The following PYY variants were observed in gnomAD, a reference collection of about 807,000 sequenced individuals.
The protein encoded by PYY is peptide YY, also known as peptide tyrosine tyrosine.
A neutral mutation model predicts 10.3 loss-of-function variants in PYY; 12 were observed. The ratio of observed to expected loss-of-function variants is 1.17; its 90% confidence interval spans 0.75 to 1.89. The LOEUF (loss-of-function observed/expected upper bound fraction) is 1.89. Among genes scored for constraint, PYY ranks in the 40% most tolerant of loss-of-function variants. PYY has a pLI of 0.00. For synonymous variants in PYY, 66 were observed against 62.0 expected (o/e 1.06, Z -0.30); for missense variants, 141 against 134.0 (o/e 1.05, Z -0.26).
chr17:43,976,202 TAC>T (rs1192158420), intron 1 of PYY, among the ~76,000 whole-genome samples: 1 of 142,742 alleles, frequency 7.0e-6, no homozygotes, highest in Non-Finnish European at 1.5e-5. Context: ...TATACATATA[TAC>T]ATATACGTAT....
chr17:43,953,654 T>C (rs563268061), intron 1 of PYY, among the ~76,000 whole-genome samples, 171 bp from the exon 2 acceptor site: 2 of 152,164 alleles, frequency 1.3e-5, no homozygotes, highest in African/African-American at 4.8e-5. Flanking sequence ...GTCTCCTGAC[T>C]CAGTTTCCTC....
chr17:43,965,071 A>T (rs551741172), intron 2 of PYY, among the ~76,000 whole-genome samples: 2 of 152,360 alleles, frequency 1.3e-5, no homozygotes, highest in East Asian at 3.9e-4. Flanking sequence ...GCTAGAAACA[A>T]TGTTGAAACC....
chr17:43,981,939 C>A (rs1033796815), intron 1 of PYY, among the ~76,000 whole-genome samples: 7 of 152,168 alleles, frequency 4.6e-5, no homozygotes, highest in Non-Finnish European at 1.0e-4. Context: ...CAAATATCTT[C>A]TCCCATCCTG....
At position 43,952,891 on chromosome 17, in the gene PYY, T is replaced by C. The variant is rs370331701; in HGVS notation, c.*65A>G. ...GGAGGCAGAATCCGGGTTTCTGGGG[T>C]CGGGAGTGCGTATGCAAATGACGTG... On this transcript the variant is annotated 3_prime_UTR_variant, in exon 4 of 4. Transcript: ENST00000692052. The C allele has an allele frequency of 3.3e-5, 49 of 1,468,756 alleles. No homozygotes were observed. The highest frequency in any genetic ancestry group is 3.9e-5 in the Non-Finnish European group (43 of 1,102,608). The allele number at this position is 1,468,756 out of a possible 1,614,324, so 91.0% of individuals were successfully genotyped here.
upstream of PYY, among the ~76,000 whole-genome samples, chr17:43,955,712 C>T (rs901128862): frequency 2.6e-5 from 4 of 152,098 alleles, no homozygotes; most frequent in Non-Finnish European, 5.9e-5. Context: ...CCAGTATGAG[C>T]GGTTCCCAGA....
intron 1 of PYY, among the ~76,000 whole-genome samples, chr17:43,993,146 T>C (rs1178999611): frequency 6.6e-6 from 1 of 151,958 alleles, no homozygotes; most frequent in Non-Finnish European, 1.5e-5. Flanking sequence ...AAACCCTATC[T>C]CTACAAAAAA....
chr17:43,953,051 C>T (rs1290080870), intron 3 of PYY, 58 bp downstream of exon 3: 9 of 1,600,146 alleles, frequency 5.6e-6, no homozygotes, highest in South Asian at 5.6e-5. Flanking sequence ...GTGATGTTGC[C>T]AGGGTAGGGC....
upstream of PYY, among the ~76,000 whole-genome samples, chr17:43,954,495 C>A (rs2048659429): frequency 6.6e-6 from 1 of 152,150 alleles, no homozygotes; most frequent in African/African-American, 2.4e-5. Flanking sequence ...TCCTGACCTG[C>A]AGTTTATGGT....
intron 1 of PYY, among the ~76,000 whole-genome samples, chr17:43,986,864 T>A (rs778073388): frequency 6.6e-6 from 1 of 152,208 alleles, no homozygotes; most frequent in Non-Finnish European, 1.5e-5. Flanking sequence ...TCATCCCAGT[T>A]TTGTTGCATG....
intron 2 of PYY, among the ~76,000 whole-genome samples, chr17:43,965,789 CAAAAAAAAAAA>C (rs67609128): frequency 1.3e-3 from 42 of 31,928 alleles, no homozygotes; most frequent in East Asian, 3.1e-3. Context: ...ATCCATCTCA[CAAAAAAAAAAA>C]AAAAAAAAAA....
intron 2 of PYY, among the ~76,000 whole-genome samples, chr17:43,960,676 C>T (rs1050939343): frequency 6.7e-6 from 1 of 150,360 alleles, no homozygotes; most frequent in Non-Finnish European, 1.5e-5. Context: ...GGTGAAACCC[C>T]GTCTCTACCA....
At chr17:43,980,629 A>G (rs2048878359) in intron 1 of PYY, among the ~76,000 whole-genome samples, 1 of 151,468 alleles carries the variant, frequency 6.6e-6, no homozygotes, top group Admixed American at 6.6e-5. Context: ...GCCCACCACC[A>G]CACTCAGCTA....
At chr17:43,989,588 CTG>C (rs749941015) in intron 1 of PYY, among the ~76,000 whole-genome samples, 9 of 151,718 alleles carry the variant, frequency 5.9e-5, no homozygotes, top group Non-Finnish European at 7.4e-5. Context: ...TTCTCAATAA[CTG>C]TTTTTTAAAT....
upstream of PYY, among the ~76,000 whole-genome samples, chr17:43,955,037 G>A (rs570542082): frequency 2.0e-3 from 308 of 152,336 alleles, 1 homozygote; most frequent in African/African-American, 7.1e-3. Context: ...CCTCTCAATT[G>A]TGAGGGGCAG....
At position 43,993,386 on chromosome 17, in the gene PYY, G is replaced by A. The variant is rs143248524; in HGVS notation, c.-463+11005C>T. On this transcript the variant is annotated intron_variant, in intron 1 of 6. Transcript: ENST00000360085. Reference sequence around the variant, plus strand: ...AGGCAGAAGAATGGCGTGAACCCGCGAGGCAGAGCCTGCAGTGAGCCGAGA... The same window carrying A: ...AGGCAGAAGAATGGCGTGAACCCGCAAGGCAGAGCCTGCAGTGAGCCGAGA... Among the ~76,000 whole-genome samples, 215 of 151,562 alleles carry A rather than the reference G, an allele frequency of 1.4e-3. 1 individual carries two copies. The highest frequency in any genetic ancestry group is 4.9e-3 in the African/African-American group (202 of 41,270).
At chr17:43,972,956 G>T (rs1485680325) in intron 1 of PYY, among the ~76,000 whole-genome samples, 1 of 151,578 alleles carries the variant, frequency 6.6e-6, no homozygotes, top group Non-Finnish European at 1.5e-5. Flanking sequence ...CTCGTGATCC[G>T]CCCGCCTCAG....
intron 1 of PYY, among the ~76,000 whole-genome samples, chr17:43,988,156 C>T (rs1311821599): frequency 1.3e-5 from 2 of 152,226 alleles, no homozygotes; most frequent in Admixed American, 6.5e-5. Context: ...GAAGACATTT[C>T]CTCCTGTTTC....
chr17:43,972,431 G>A (rs2048800969), intron 1 of PYY, among the ~76,000 whole-genome samples: 1 of 151,994 alleles, frequency 6.6e-6, no homozygotes. Context: ...GGCCAGGCTG[G>A]TCTCAAACTC....
chr17:43,965,685 G>A, intron 2 of PYY, among the ~76,000 whole-genome samples: 1 of 146,864 alleles, frequency 6.8e-6, no homozygotes, highest in East Asian at 2.1e-4. Flanking sequence ...CTACTTGGAA[G>A]GTTGAGACAG....
Sources: allele counts gnomAD v4.1 joint callset (sites outside exome capture counted in the v4.1 genomes callset), GRCh38; gene constraint gnomAD v4.1.1; transcripts MANE v1.5; gene names NCBI Gene and HGNC (gene_info 2026-07-23, HGNC 2026-07-21).